KHDRBS2: variants seen among roughly 807,000 people sequenced by gnomAD.
KHDRBS2 encodes the protein KH RNA binding domain containing, signal transduction associated 2.
A neutral mutation model predicts 44.3 loss-of-function variants in KHDRBS2; 26 were observed. The ratio of observed to expected loss-of-function variants is 0.59; its 90% CI spans 0.43 to 0.81. The LOEUF is 0.81. KHDRBS2 is among the 40% of genes least tolerant of loss of function. KHDRBS2 has a pLI of 0.00. For missense variants in KHDRBS2, 476 were observed against 433.1 expected, an observed-to-expected ratio of 1.10 and a Z score of -0.88; for synonymous variants, 194 against 151.1, an observed-to-expected ratio of 1.28 and a Z score of -2.08.
chr6:62,010,920 C>T (rs554551691), intron 3 of KHDRBS2, among the ~76,000 whole-genome samples: 59 of 152,080 alleles, frequency 3.9e-4, no homozygotes, highest in Non-Finnish European at 7.4e-4. Context: ...AATTAGGGCC[C>T]AAACATTCCA....
At chr6:62,226,737 C>A (rs1455960562) in intron 1 of KHDRBS2, among the ~76,000 whole-genome samples, 1 of 152,154 alleles carries the variant, frequency 6.6e-6, no homozygotes, top group African/African-American at 2.4e-5. Flanking sequence ...CAGTTTTCTG[C>A]ATATGTCTAG....
At chr6:62,057,137 C>T (rs1584406043) in intron 2 of KHDRBS2, among the ~76,000 whole-genome samples, 1 of 150,120 alleles carries the variant, frequency 6.7e-6, no homozygotes, top group East Asian at 2.0e-4. Flanking sequence ...TTTAAGTAAG[C>T]AACTTTTCTT....
intron 2 of KHDRBS2, among the ~76,000 whole-genome samples, chr6:62,124,887 C>T (rs1416228618): frequency 3.3e-5 from 5 of 152,000 alleles, no homozygotes; most frequent in Admixed American, 1.3e-4. Context: ...TTCCTTGAAT[C>T]GTTGCCAACA....
At chr6:62,194,587 G>T (rs144344394) in intron 1 of KHDRBS2, among the ~76,000 whole-genome samples, 1 of 129,524 alleles carries the variant, frequency 7.7e-6, no homozygotes, top group Admixed American at 9.1e-5. Context: ...TGCAACCTCC[G>T]CCTCCCATTT....
At chr6:61,633,853 A>C in the KHDRBS2 span, among the ~76,000 whole-genome samples, 1 of 152,162 alleles carries the variant, frequency 6.6e-6, no homozygotes, top group African/African-American at 2.4e-5. Flanking sequence ...TGATGTTTAT[A>C]TCTTCCAGAA....
chr6:62,272,848 G>A (rs1840302212), intron 1 of KHDRBS2, among the ~76,000 whole-genome samples: 1 of 152,124 alleles, frequency 6.6e-6, no homozygotes, highest in African/African-American at 2.4e-5. Context: ...CACTGAGCAA[G>A]TTAGAAAGGT....
At chr6:61,841,871 T>A (rs1793657418) in intron 6 of KHDRBS2, among the ~76,000 whole-genome samples, 2 of 152,200 alleles carry the variant, frequency 1.3e-5, no homozygotes, top group Non-Finnish European at 2.9e-5. Flanking sequence ...GTGCAATGCT[T>A]GAGTACCTTT....
the KHDRBS2 span, among the ~76,000 whole-genome samples, chr6:61,603,140 TG>T: frequency 6.6e-6 from 1 of 152,180 alleles, no homozygotes; most frequent in African/African-American, 2.4e-5. Context: ...TGTTGTCACT[TG>T]CCTGTTACAG....
At chr6:62,182,523 T>C (rs1422064496) in intron 1 of KHDRBS2, among the ~76,000 whole-genome samples, 1 of 151,940 alleles carries the variant, frequency 6.6e-6, no homozygotes, top group South Asian at 2.1e-4. Flanking sequence ...TGATAGATAA[T>C]GACTATGGTA....
chr6:61,768,912 G>T (rs1562128403), intron 6 of KHDRBS2, among the ~76,000 whole-genome samples: 1 of 151,898 alleles, frequency 6.6e-6, no homozygotes, highest in Non-Finnish European at 1.5e-5. Context: ...CAGTCACTTG[G>T]TTTTGTCTCC....
At chr6:61,593,844 A>T in the KHDRBS2 span, among the ~76,000 whole-genome samples, 1 of 152,120 alleles carries the variant, frequency 6.6e-6, no homozygotes, top group Non-Finnish European at 1.5e-5. Context: ...AAGGTCAGAA[A>T]CTATGTAAAG....
At chr6:61,874,540 C>T (rs1799132799) in intron 6 of KHDRBS2, among the ~76,000 whole-genome samples, 1 of 152,084 alleles carries the variant, frequency 6.6e-6, no homozygotes, top group Non-Finnish European at 1.5e-5. Flanking sequence ...TCGGTATTTG[C>T]TTGGATGCTT....
intron 3 of KHDRBS2, among the ~76,000 whole-genome samples, chr6:62,011,207 G>A (rs1472408704): frequency 6.6e-6 from 1 of 152,056 alleles, no homozygotes; most frequent in Non-Finnish European, 1.5e-5. Flanking sequence ...AAAACTCAAG[G>A]AGCACCTAGA....
intron 2 of KHDRBS2, among the ~76,000 whole-genome samples, chr6:62,097,869 T>C (rs1486956142): frequency 1.3e-5 from 2 of 152,142 alleles, no homozygotes; most frequent in Admixed American, 1.3e-4. Flanking sequence ...GTGTTTGCTT[T>C]TTATTTTTAG....
At chr6:62,248,751 T>C (rs1457620025) in intron 1 of KHDRBS2, among the ~76,000 whole-genome samples, 1 of 152,116 alleles carries the variant, frequency 6.6e-6, no homozygotes, top group Non-Finnish European at 1.5e-5. Context: ...GATTTTACTT[T>C]GAGGAAAACT....
chr6:62,052,774 C>T (rs1051361973), intron 2 of KHDRBS2, among the ~76,000 whole-genome samples: 12 of 151,946 alleles, frequency 7.9e-5, no homozygotes, highest in Non-Finnish European at 1.8e-4. Flanking sequence ...AATCTAATGC[C>T]AGGGTTGATC....
At chr6:61,606,297 C>T in the KHDRBS2 span, among the ~76,000 whole-genome samples, 9 of 152,310 alleles carry the variant, frequency 5.9e-5, no homozygotes, top group East Asian at 1.7e-3. Context: ...TACCCTTCTG[C>T]TGACTTGTCA....
At chr6:62,058,763 G>A (rs1288198883) in intron 2 of KHDRBS2, among the ~76,000 whole-genome samples, 1 of 151,662 alleles carries the variant, frequency 6.6e-6, no homozygotes, top group African/African-American at 2.4e-5. Context: ...ATTTACAGAG[G>A]TTTCTACCAA....
At chr6:62,179,060 A>C (rs1821726619) in intron 1 of KHDRBS2, among the ~76,000 whole-genome samples, 1 of 151,508 alleles carries the variant, frequency 6.6e-6, no homozygotes, top group African/African-American at 2.4e-5. Flanking sequence ...TTTTCCCCCA[A>C]ATGTTTTCAA....
Sources: allele counts gnomAD v4.1 joint callset (sites outside exome capture counted in the v4.1 genomes callset), GRCh38; gene constraint gnomAD v4.1.1; transcripts MANE v1.5; gene names NCBI Gene and HGNC (gene_info 2026-07-23, HGNC 2026-07-21).